Variants in PAX9 observed in about 807,000 individuals in gnomAD.
The protein encoded by PAX9 is paired box protein Pax-9.
PAX9 carries 6 observed loss-of-function variants against 29.1 expected under a neutral mutation model. That is an observed-to-expected ratio of 0.21 (90% CI 0.11 to 0.41). The LOEUF is 0.41. Among genes scored for constraint, PAX9 ranks in the 10% least tolerant of loss-of-function variants. The pLI, the probability that PAX9 is intolerant of heterozygous loss-of-function variation, is 1.00. For synonymous variants in PAX9, 217 were observed against 211.7 expected (o/e 1.03, Z -0.22); for missense variants, 443 against 479.1 (o/e 0.92, Z 0.70).
In PAX9 at chr14:36,662,516, G is replaced by T. The variant is rs1412125552; in HGVS notation, c.5-381G>T. 2.8e-5 allele frequency: 11 copies of T among 396,522 alleles called. No homozygotes were observed. In the South Asian group the frequency reaches 6.1e-4, roughly 22 times the overall value. 24.6% of individuals were successfully genotyped at this position (396,522 alleles called of 1,614,324 possible). A position where few individuals can be genotyped will look rare whatever the true frequency, so the allele number is the denominator to read the frequency against. On this transcript the variant is annotated intron_variant, in intron 1 of 3. Coordinates refer to ENST00000361487, the MANE Select transcript of PAX9 (RefSeq NM_001372076.1). ...GCCGGGTCTCCAGAAGGAACGCTGG[G>T]GATGGGATGGGTGGAGAGAGGGAGC...
At chr14:36,662,857 G>A in intron 1 of PAX9, 40 bp from the exon 2 acceptor site, 16 of 1,585,012 alleles carry the variant, frequency 1.0e-5, no homozygotes, top group Non-Finnish European at 1.4e-5. Context: ...GTCCCAAGCA[G>A]CGGGTGCGCG....
intron 3 of PAX9, among the ~76,000 whole-genome samples, chr14:36,670,459 A>C (rs988582664): frequency 6.6e-6 from 1 of 152,060 alleles, no homozygotes; most frequent in African/African-American, 2.4e-5. Context: ...AGAATCCTGA[A>C]TGTGATTTTC....
chr14:36,676,505 C>A lies in PAX9; in HGVS notation c.*53C>A. On this transcript the variant is annotated 3_prime_UTR_variant, in exon 4 of 4. Coordinates refer to ENST00000361487, the MANE Select transcript of PAX9 (RefSeq NM_001372076.1). ...CCCGGGTCTCCCTGTCTCAGCACCT[C>A]CTCCCCCAATTCCCAGGTCTCACAT... 1 of 1,598,816 alleles carries A rather than the reference C, an allele frequency of 6.3e-7. No homozygotes were observed. The highest frequency in any genetic ancestry group is 8.5e-7 in the Non-Finnish European group (1 of 1,176,886).
chr14:36,663,330 C>G lies in PAX9; in HGVS notation c.438C>G (p.His146Gln), dbSNP rs757996388. 6.8e-6 allele frequency: 11 copies of G among 1,614,044 alleles called. No individual in the cohort carries two copies. Among genetic ancestry groups the G allele is most frequent in the Non-Finnish European group, 2.5e-6 (3 of 1,180,054 alleles). ...QQGHYDSYKQ[H>Q]QPTPQPALPY... Reference sequence around the variant, plus strand: ...GTCATTACGACTCATACAAGCAGCACCAGCCGACGCCGCAGCCAGCGCTGC... The same window carrying G: ...GTCATTACGACTCATACAAGCAGCAGCAGCCGACGCCGCAGCCAGCGCTGC... Residue 146 changes from histidine (H) to glutamine (Q), a missense_variant, in exon 2 of 4, where the codon CAC becomes CAG. Transcript: ENST00000361487.
chr14:36,662,925 G>GGGA lies in PAX9; in HGVS notation c.38_40dup (p.Gly13dup). 6.2e-7 allele frequency: 1 copy of GGGA among 1,612,808 alleles called. No homozygotes were observed. ...CAGCCTTCGGGGAGGTGAACCAGCT[G>GGGA]GGAGGAGTGTTCGTGAACGGGAGGC... On this transcript the variant is annotated inframe_insertion, in exon 2 of 4. Transcript: ENST00000361487.
chr14:36,663,609 C>T, intron 2 of PAX9, 86 bp downstream of exon 2: 4 of 1,531,714 alleles, frequency 2.6e-6, no homozygotes, highest in South Asian at 1.2e-5. Flanking sequence ...GCCTCAGGGA[C>T]ACTGTCTTTC....
chr14:36,677,952 G>GGAA lies in PAX9; in HGVS notation c.*1502_*1504dup, dbSNP rs1881980086. On this transcript the variant is annotated 3_prime_UTR_variant, in exon 4 of 4. Coordinates refer to ENST00000361487, the MANE Select transcript of PAX9 (RefSeq NM_001372076.1). ...TACAGTTTTTAATCCCTTCTGTTTA[G>GGAA]GAAGTTCTTCCTGTTTGGCAATATA... 6.5e-6 allele frequency: 1 copy of GGAA among 152,956 alleles called. No homozygotes were observed. Among genetic ancestry groups the GGAA allele is most frequent in the Non-Finnish European group, 1.5e-5 (1 of 68,544 alleles). The allele number at this position is 152,956 out of a possible 1,614,324, so 9.5% of individuals were successfully genotyped here.
rs908890974 is a variant in PAX9 at position 36,676,745 on chromosome 14, A to C, written c.*293A>C. The C allele has an allele frequency of 2.2e-6, 1 of 447,498 alleles. No homozygotes were observed. The allele number at this position is 447,498 out of a possible 1,614,324, so 27.7% of individuals were successfully genotyped here. A position where few individuals can be genotyped will look rare whatever the true frequency, so the allele number is the denominator to read the frequency against. ...GTCTTAACATAACAAAGAAACCTAC[A>C]CCCCTCAAAGGGTTTAAGGAACTTT... On this transcript the variant is annotated 3_prime_UTR_variant, in exon 4 of 4. Coordinates refer to ENST00000361487, the MANE Select transcript of PAX9 (RefSeq NM_001372076.1).
chr14:36,662,574 A>G (rs1311756076), intron 1 of PAX9: 5 of 470,684 alleles, frequency 1.1e-5, no homozygotes, highest in Non-Finnish European at 1.9e-5. Flanking sequence ...GCAGGCGAGA[A>G]GGAGCACGTT....
rs114932679 is a variant in PAX9 at position 36,675,706 on chromosome 14, T to C, written c.772-492T>C. ...TATTTTCTTTAACGAAGGTCGTGTTTGTTGTGCGTTTCTAACATGACAGGC... is the reference window on the plus strand; with the variant it reads ...TATTTTCTTTAACGAAGGTCGTGTTCGTTGTGCGTTTCTAACATGACAGGC... On this transcript the variant is annotated intron_variant, in intron 3 of 3. Transcript: ENST00000361487. Among the ~76,000 whole-genome samples the C allele has an allele frequency of 1.2e-3, 186 of 152,320 alleles. 1 individual carries two copies. Among genetic ancestry groups the C allele is most frequent in the African/African-American group, 4.2e-3 (174 of 41,560 alleles).
intron 3 of PAX9, among the ~76,000 whole-genome samples, chr14:36,675,642 A>C (rs559002555): frequency 9.8e-5 from 15 of 152,370 alleles, no homozygotes; most frequent in African/African-American, 3.4e-4. Context: ...TCCTTTGTCC[A>C]ACGGGCATTT....
chr14:36,670,047 G>T (rs1881647966), intron 3 of PAX9, among the ~76,000 whole-genome samples: 1 of 151,978 alleles, frequency 6.6e-6, no homozygotes, highest in African/African-American at 2.4e-5. Flanking sequence ...GAGAATCATA[G>T]GGACTGGAAT....
intron 3 of PAX9, among the ~76,000 whole-genome samples, chr14:36,668,368 A>G (rs1027733911): frequency 3.0e-5 from 1 of 33,106 alleles, no homozygotes; most frequent in Non-Finnish European, 1.1e-4. Flanking sequence ...TCATAATCCC[A>G]AAAAAAACCC....
chr14:36,678,374 TAG>T lies in PAX9; in HGVS notation c.*1925_*1926del. On this transcript the variant is annotated 3_prime_UTR_variant, in exon 4 of 4. Transcript: ENST00000361487. The stretch of plus-strand genomic sequence containing the variant: ...AGCAACCGAAATTCAGTGCTACAAA[TAG>T]AGGATTATAACTTCAGGAGAAGAAT... The T allele has an allele frequency of 3.1e-6, 3 of 955,692 alleles. No individual in the cohort carries two copies. The highest frequency in any genetic ancestry group is 4.8e-6 in the Non-Finnish European group (3 of 623,388). 59.2% of individuals were successfully genotyped at this position (955,692 alleles called of 1,614,324 possible). A position where few individuals can be genotyped will look rare whatever the true frequency, so the allele number is the denominator to read the frequency against.
At chr14:36,664,143 G>A (rs542968450) in intron 2 of PAX9, among the ~76,000 whole-genome samples, 1 of 152,184 alleles carries the variant, frequency 6.6e-6, no homozygotes, top group Non-Finnish European at 1.5e-5. Flanking sequence ...CTAGTAACTT[G>A]CATGTAACTC....
In PAX9 at chr14:36,669,749, T is replaced by C. The variant is rs183251421; in HGVS notation, c.771+3148T>C. On this transcript the variant is annotated intron_variant, in intron 3 of 3. Coordinates refer to ENST00000361487, the MANE Select transcript of PAX9 (RefSeq NM_001372076.1). Reference sequence around the variant, plus strand: ...CACATTTCAGCTATGCATATACCTATCTTTTGTCTTTGAAAATTCAGTGTA... The same window carrying C: ...CACATTTCAGCTATGCATATACCTACCTTTTGTCTTTGAAAATTCAGTGTA... Among the ~76,000 whole-genome samples, 37 of 152,240 alleles carry C rather than the reference T, an allele frequency of 2.4e-4. No individual in the cohort carries two copies. In the East Asian group the frequency reaches 6.9e-3, roughly 29 times the overall value.
At chr14:36,666,383 T>C in intron 2 of PAX9, 79 bp from the exon 3 acceptor site, 2 of 1,541,828 alleles carry the variant, frequency 1.3e-6, no homozygotes, top group Non-Finnish European at 1.8e-6. Context: ...CAGCTCTCCG[T>C]CGCGGGTTTG....
At position 36,676,590 on chromosome 14, in the gene PAX9, C is replaced by T. The variant is rs1193229629; in HGVS notation, c.*138C>T. 1.1e-6 allele frequency: 1 copy of T among 951,736 alleles called. No homozygotes were observed. The highest frequency in any genetic ancestry group is 1.6e-6 in the Non-Finnish European group (1 of 615,878). 59.0% of individuals were successfully genotyped at this position (951,736 alleles called of 1,614,324 possible). On this transcript the variant is annotated 3_prime_UTR_variant, in exon 4 of 4. Coordinates refer to ENST00000361487, the MANE Select transcript of PAX9 (RefSeq NM_001372076.1). The stretch of plus-strand genomic sequence containing the variant: ...AAAGCTGGCTGTACGGACTCACATC[C>T]TTTGTGCTAATGACACTTACATATT...
At chr14:36,669,181 T>C (rs1438231062) in intron 3 of PAX9, among the ~76,000 whole-genome samples, 3 of 152,204 alleles carry the variant, frequency 2.0e-5, no homozygotes, top group African/African-American at 7.2e-5. Flanking sequence ...GCCGTGCCAT[T>C]TTTCTGAGCA....
Sources: allele counts gnomAD v4.1 joint callset (sites outside exome capture counted in the v4.1 genomes callset), GRCh38; gene constraint gnomAD v4.1.1; transcripts MANE v1.5; gene names NCBI Gene and HGNC (gene_info 2026-07-23, HGNC 2026-07-21).